KDM3B: variants seen among roughly 807,000 people sequenced by gnomAD.
KDM3B encodes the protein lysine-specific demethylase 3B.
Under a neutral mutation model 170.0 loss-of-function variants are expected in KDM3B, and 10 were observed. That is an observed-to-expected ratio of 0.06 (90% CI 0.04 to 0.10). The LOEUF is 0.10. KDM3B is among the 10% of genes least tolerant of loss of function. KDM3B has a pLI of 1.00. For synonymous variants in KDM3B, 831 were observed against 834.8 expected, an observed-to-expected ratio of 1.00 and a Z score of 0.08; for missense variants, 1,394 against 2,195.2, an observed-to-expected ratio of 0.64 and a Z score of 7.29.
intron 7 of KDM3B, among the ~76,000 whole-genome samples, chr5:138,390,621 A>G (rs1234568870): frequency 6.6e-6 from 1 of 152,222 alleles, no homozygotes; most frequent in Non-Finnish European, 1.5e-5. Flanking sequence ...TATTAATATT[A>G]CAGGGGTCAC....
Position 138,426,999 on chromosome 5 carries a change from A to T in KDM3B, c.4436A>T (p.Gln1479Leu). The T allele has an allele frequency of 6.2e-7, 1 of 1,614,162 alleles. No homozygotes were observed. Among genetic ancestry groups the T allele is most frequent in the Non-Finnish European group, 8.5e-7 (1 of 1,179,998 alleles). ...ICKRLRSEDGQPMVLKLKDWP... is the reference protein window; with the variant it reads ...ICKRLRSEDGLPMVLKLKDWP... ...GAACGACTACGGTCAGAAGATGGGC[A>T]GCCAATGGTGCTCAAACTCAAGGAC... Residue 1479 changes from glutamine to leucine, a missense_variant, in exon 18 of 24, where the codon CAG (glutamine) becomes CTG (leucine). Gln to Leu is a moderately radical substitution (Grantham distance 113, BLOSUM62 -2). Coordinates refer to ENST00000314358, the MANE Select transcript of KDM3B (RefSeq NM_016604.4).
rs772313729 is a variant in KDM3B, at chr5:138,386,388, A to C, written c.1147A>C (p.Thr383Pro). 1.4e-5 allele frequency: 22 copies of C among 1,614,040 alleles called. No individual in the cohort carries two copies. Among genetic ancestry groups the C allele is most frequent in the Admixed American group, 6.7e-5 (4 of 59,992 alleles). Residue 383 changes from threonine to proline, a missense_variant, in exon 7 of 24, where the codon ACT (threonine) becomes CCT (proline). Transcript: ENST00000314358. ...PVGGDTPASF[T>P]PYSTATGQTP... ...AGGTGGGGACACACCTGCATCTTTC[A>C]CTCCATATTCTACAGCCACAGGTCA...
At position 138,436,454 on chromosome 5, in the gene KDM3B, GA is replaced by G. The variant is rs1236427492; in HGVS notation, c.*757del. ...ACTCTTTGAAGAAATATGATTTTTAGAAATCAGCTACCCATTATAGCACAAA... is the reference window on the plus strand; with the variant it reads ...ACTCTTTGAAGAAATATGATTTTTAGAATCAGCTACCCATTATAGCACAAA... On this transcript the variant is annotated 3_prime_UTR_variant, in exon 24 of 24. Coordinates refer to ENST00000314358, the MANE Select transcript of KDM3B (RefSeq NM_016604.4). 1.3e-5 allele frequency: 2 copies of G among 152,282 alleles called. No homozygotes were observed. Among genetic ancestry groups the G allele is most frequent in the African/African-American group, 4.8e-5 (2 of 41,572 alleles). The allele number at this position is 152,282 out of a possible 1,614,324, so 9.4% of individuals were successfully genotyped here.
At chr5:138,433,036 G>A (rs970775072) in intron 23 of KDM3B, among the ~76,000 whole-genome samples, 4 of 151,660 alleles carry the variant, frequency 2.6e-5, no homozygotes, top group African/African-American at 9.7e-5. Context: ...GAGCCACTGC[G>A]CCCAGCCTGA....
intron 1 of KDM3B, among the ~76,000 whole-genome samples, chr5:138,357,072 T>TTTTTGTATGTCTCCCGG: frequency 6.6e-6 from 1 of 151,834 alleles, no homozygotes; most frequent in African/African-American, 2.4e-5. Flanking sequence ...CGGGCTGGAG[T>TTTTTGTATGTCTCCCGG]GCAGGGGCAT....
Position 138,391,451 on chromosome 5 carries a change from C to A in KDM3B, c.1819C>A (p.Arg607=). Residue 607 remains arginine (R), a synonymous_variant, in exon 8 of 24, where the codon CGG becomes AGG. Coordinates refer to ENST00000314358, the MANE Select transcript of KDM3B (RefSeq NM_016604.4). This position sits in a 1 kb window ranked among gnomAD's most constrained non-coding sequence, Gnocchi z 5.0. ...SMPTLTPAFP[R]SLLNARTPEN... ...GCCCACCCTCACTCCAGCCTTCCCA[C>A]GGAGCCTCCTAAATGCCCGTACCCC... is the stretch of plus-strand genomic sequence containing the variant. 6.2e-7 allele frequency: 1 copy of A among 1,614,080 alleles called. No homozygotes were observed. Among genetic ancestry groups the A allele is most frequent in the East Asian group, 2.2e-5 (1 of 44,880 alleles).
intron 12 of KDM3B, among the ~76,000 whole-genome samples, chr5:138,416,708 G>A (rs1763116518): frequency 6.6e-6 from 1 of 151,978 alleles, no homozygotes; most frequent in Non-Finnish European, 1.5e-5. Flanking sequence ...GCAGTGGTAG[G>A]ATGCCTGCTC....
intron 11 of KDM3B, among the ~76,000 whole-genome samples, chr5:138,411,758 G>C (rs560420373): frequency 1.1e-4 from 17 of 149,480 alleles, no homozygotes; most frequent in South Asian, 6.3e-4. Flanking sequence ...GGAGTGCAGT[G>C]GTGCAATCTT....
At chr5:138,390,662 T>C (rs916277535) in intron 7 of KDM3B, among the ~76,000 whole-genome samples, 4 of 152,162 alleles carry the variant, frequency 2.6e-5, no homozygotes, top group Non-Finnish European at 4.4e-5. Context: ...CAGGAACCCT[T>C]TTCTCCAGTT....
chr5:138,353,397 C>A (rs1761377999), intron 1 of KDM3B, among the ~76,000 whole-genome samples: 1 of 152,246 alleles, frequency 6.6e-6, no homozygotes, highest in South Asian at 2.1e-4. Flanking sequence ...CCCAGGAGAC[C>A]TGCGCCCTGT....
chr5:138,424,370 C>A (rs772092386), intron 16 of KDM3B, 29 bp downstream of exon 16: 3 of 1,598,790 alleles, frequency 1.9e-6, no homozygotes, highest in Non-Finnish European at 2.6e-6. Flanking sequence ...TTCCAAGGGC[C>A]AATTCTCTGC....
At chr5:138,362,770 G>T (rs1761646214) in intron 1 of KDM3B, among the ~76,000 whole-genome samples, 1 of 147,448 alleles carries the variant, frequency 6.8e-6, no homozygotes, top group East Asian at 2.0e-4. Flanking sequence ...TTAAATTTTA[G>T]GGTACATGTG....
chr5:138,397,734 G>A (rs6886388), intron 9 of KDM3B: 39,060 of 152,534 alleles, frequency 0.26, 6,111 homozygotes, highest in South Asian at 0.4. Flanking sequence ...TGTGGCGTGC[G>A]CCTATAGTCC....
Position 138,435,764 on chromosome 5 carries a change from C to A in KDM3B, c.*64C>A. 7.8e-7 allele frequency: 1 copy of A among 1,281,500 alleles called. No homozygotes were observed. Among genetic ancestry groups the A allele is most frequent in the Non-Finnish European group, 1.1e-6 (1 of 896,396 alleles). The allele number at this position is 1,281,500 out of a possible 1,614,324, so 79.4% of individuals were successfully genotyped here. On this transcript the variant is annotated 3_prime_UTR_variant, in exon 24 of 24. Transcript: ENST00000314358. Reference sequence around the variant, plus strand: ...TTCACTCACAACACTTAACAGGGAACGGCAGGGCTCTTTGCTGGAGCAGAG... The same window carrying A: ...TTCACTCACAACACTTAACAGGGAAAGGCAGGGCTCTTTGCTGGAGCAGAG...
chr5:138,431,395 T>TA (rs1763528904), intron 22 of KDM3B, 30 bp from the exon 23 acceptor site: 2 of 1,541,282 alleles, frequency 1.3e-6, no homozygotes, highest in Non-Finnish European at 8.8e-7. Context: ...TAATGTCTGA[T>TA]ATTTCTCCTC....
At chr5:138,431,630 A>G (rs1763533974) in intron 23 of KDM3B, 71 bp downstream of exon 23, 5 of 1,312,180 alleles carry the variant, frequency 3.8e-6, no homozygotes, top group African/African-American at 1.5e-5. Flanking sequence ...CAGAAAGCAC[A>G]TTCTCCTTTC....
intron 13 of KDM3B, chr5:138,418,006 TGAA>T (rs1763146362): frequency 6.4e-6 from 1 of 156,406 alleles, no homozygotes; most frequent in Non-Finnish European, 1.4e-5. Context: ...GACAGAAATA[TGAA>T]GATTGGCTCA....
intron 1 of KDM3B, among the ~76,000 whole-genome samples, chr5:138,360,016 G>A (rs571223453): frequency 3.3e-5 from 5 of 152,068 alleles, no homozygotes; most frequent in African/African-American, 9.7e-5. Context: ...CCTCCCCACC[G>A]AACCTTTCCT....
chr5:138,364,495 T>C (rs1580878408), intron 1 of KDM3B, among the ~76,000 whole-genome samples: 1 of 152,170 alleles, frequency 6.6e-6, no homozygotes, highest in Non-Finnish European at 1.5e-5. Flanking sequence ...TAAAACCTTT[T>C]CAGTGTTTAG....
Sources: gnomAD v4.1 joint callset for allele counts (sites outside exome capture counted in the v4.1 genomes callset) on GRCh38, gnomAD v4.1.1 for gene constraint, Gnocchi (gnomAD v3.1) non-coding constraint, MANE v1.5 for transcripts, NCBI Gene and HGNC (gene_info 2026-07-23, HGNC 2026-07-21) for gene names.